The following NCKAP5 variants were observed in gnomAD, a reference collection of about 807,000 sequenced individuals.
NCKAP5 encodes NCK associated protein 5, also known as nck-associated protein 5.
NCKAP5 carries 92 observed loss-of-function variants against 167.0 expected under a neutral mutation model. That is an observed-to-expected ratio of 0.55 (90% CI 0.47 to 0.66). NCKAP5 has a LOEUF of 0.66. Ranked by LOEUF, NCKAP5 falls within the 30% of genes least tolerant of loss-of-function variation. NCKAP5 has a pLI of 0.00. For synonymous variants in NCKAP5, 891 were observed against 877.4 expected, an observed-to-expected ratio of 1.02 and a Z score of -0.27; for missense variants, 2,378 against 2,315.0, an observed-to-expected ratio of 1.03 and a Z score of -0.56.
chr2:133,585,745 A>C, the NCKAP5 span, among the ~76,000 whole-genome samples: 22 of 152,326 alleles, frequency 1.4e-4, no homozygotes, highest in African/African-American at 5.0e-4. Context: ...GCTCTTTTAC[A>C]AATGAGGAAA....
chr2:132,921,979 C>A (rs1288925396), intron 8 of NCKAP5, among the ~76,000 whole-genome samples: 1 of 152,080 alleles, frequency 6.6e-6, no homozygotes, highest in Admixed American at 6.5e-5. Flanking sequence ...GACTGCGAGC[C>A]CAAGATGTAG....
At chr2:132,814,132 T>A (rs756636376) in intron 11 of NCKAP5, among the ~76,000 whole-genome samples, 4 of 152,252 alleles carry the variant, frequency 2.6e-5, no homozygotes, top group Non-Finnish European at 5.9e-5. Flanking sequence ...ACTGTCTCAC[T>A]TCCCTTGATA....
At chr2:133,090,863 T>C (rs1456684204) in intron 6 of NCKAP5, among the ~76,000 whole-genome samples, 2 of 152,158 alleles carry the variant, frequency 1.3e-5, no homozygotes, top group Admixed American at 1.3e-4. Context: ...CACTCCACTG[T>C]CCTTCCCAGG....
the NCKAP5 span, among the ~76,000 whole-genome samples, chr2:133,601,860 G>A: frequency 6.6e-6 from 1 of 152,176 alleles, no homozygotes; most frequent in African/African-American, 2.4e-5. Context: ...GAAGGTGAGT[G>A]CAGTCATAGT....
rs1165568563 is a variant in NCKAP5 at position 133,330,053 on chromosome 2, CTTTTTTTTTT to C, written c.70-26953_70-26944del. 1.8e-4 allele frequency among the ~76,000 whole-genome samples: 15 copies of C among 85,706 alleles called. 1 individual carries two copies. The highest frequency in any genetic ancestry group is 9.5e-4 in the East Asian group (3 of 3,146). 56.2% of individuals were successfully genotyped at this position (85,706 alleles called of 152,430 possible). A position where few individuals can be genotyped will look rare whatever the true frequency, so the allele number is the denominator to read the frequency against. ...GGGAATGTGGCCAAGAAAGCAAGAC[CTTTTTTTTTT>C]TTTTTTTTTTTTTTTTTTTCTGAGA... On this transcript the variant is annotated intron_variant, in intron 3 of 19. Coordinates refer to ENST00000409261, the MANE Select transcript of NCKAP5 (RefSeq NM_207363.3).
intron 3 of NCKAP5, among the ~76,000 whole-genome samples, chr2:133,450,450 T>G (rs1362807790): frequency 1.3e-5 from 2 of 152,278 alleles, no homozygotes; most frequent in East Asian, 3.9e-4. Context: ...TAACATTACG[T>G]TTTTAAAAGC....
intron 5 of NCKAP5, among the ~76,000 whole-genome samples, chr2:133,138,639 T>G (rs1559181022): frequency 6.6e-6 from 1 of 152,230 alleles, no homozygotes; most frequent in Non-Finnish European, 1.5e-5. Context: ...ATATACTTAC[T>G]GTCTCCGGAC....
chr2:133,385,816 T>C (rs1281858056), intron 3 of NCKAP5, among the ~76,000 whole-genome samples: 2 of 152,198 alleles, frequency 1.3e-5, no homozygotes. Context: ...TTCTTCTAGA[T>C]TTTCTAGTTT....
At chr2:133,050,930 C>G (rs998422007) in intron 6 of NCKAP5, among the ~76,000 whole-genome samples, 6 of 152,102 alleles carry the variant, frequency 3.9e-5, no homozygotes, top group Non-Finnish European at 8.8e-5. Context: ...AGTATATGCG[C>G]GACTGAACGC....
chr2:132,800,782 TC>T, intron 11 of NCKAP5, among the ~76,000 whole-genome samples: 1 of 152,280 alleles, frequency 6.6e-6, no homozygotes, highest in African/African-American at 2.4e-5. Flanking sequence ...CTCATTTTGG[TC>T]CTTTATCCAA....
chr2:133,550,995 T>C (rs899138059), intron 2 of NCKAP5, among the ~76,000 whole-genome samples: 104 of 152,238 alleles, frequency 6.8e-4, no homozygotes, highest in Non-Finnish European at 1.1e-3. Flanking sequence ...CCATTCACAA[T>C]TGCTTCAAAG....
chr2:133,149,891 C>T (rs2083326427), intron 5 of NCKAP5, among the ~76,000 whole-genome samples: 1 of 152,110 alleles, frequency 6.6e-6, no homozygotes, highest in African/African-American at 2.4e-5. Flanking sequence ...AACATTCTTT[C>T]AAACCAATGA....
At position 133,382,160 on chromosome 2, in the gene NCKAP5, G is replaced by A. The variant is rs866962989; in HGVS notation, c.70-79050C>T. 2.7e-4 allele frequency among the ~76,000 whole-genome samples: 41 copies of A among 152,196 alleles called. 1 individual carries two copies. The highest frequency in any genetic ancestry group is 8.2e-4 in the African/African-American group (34 of 41,512). On this transcript the variant is annotated intron_variant, in intron 3 of 19. Transcript: ENST00000409261. ...AAGCTAAGAGTCATCCTTGTCTCCC[G>A]CCTCTTCCTCAATCTCAAATTCAAC... is the stretch of plus-strand genomic sequence containing the variant.
chr2:132,829,412 C>T (rs988495897), intron 11 of NCKAP5, among the ~76,000 whole-genome samples: 5 of 152,108 alleles, frequency 3.3e-5, no homozygotes, highest in African/African-American at 1.2e-4. Context: ...ATCTAGAACA[C>T]GGATTTGCAC....
At chr2:133,032,299 C>A (rs2078904457) in intron 6 of NCKAP5, among the ~76,000 whole-genome samples, 1 of 152,130 alleles carries the variant, frequency 6.6e-6, no homozygotes, top group Admixed American at 6.5e-5. Flanking sequence ...AACCTTGGGC[C>A]TTAAGGGAAC....
At chr2:133,303,159 C>T (rs781465655) in intron 3 of NCKAP5, 49 bp from the exon 4 acceptor site, 15 of 1,296,446 alleles carry the variant, frequency 1.2e-5, no homozygotes, top group Non-Finnish European at 1.6e-5. Context: ...ACAGTCCCCA[C>T]CATCCTAAGA....
chr2:133,188,960 C>T (rs1479145339), intron 5 of NCKAP5, among the ~76,000 whole-genome samples: 1 of 151,882 alleles, frequency 6.6e-6, no homozygotes, highest in Non-Finnish European at 1.5e-5. Context: ...GAGATAGAGA[C>T]ACAAAAAACT....
chr2:133,540,808 C>T (rs1686160278), intron 2 of NCKAP5, among the ~76,000 whole-genome samples: 1 of 151,498 alleles, frequency 6.6e-6, no homozygotes, highest in Admixed American at 6.6e-5. Context: ...TGGTGGCATG[C>T]ACCTGTAATT....
At chr2:133,602,981 A>C in the NCKAP5 span, among the ~76,000 whole-genome samples, 1 of 152,176 alleles carries the variant, frequency 6.6e-6, no homozygotes, top group Non-Finnish European at 1.5e-5. Context: ...CAGGGGTGTA[A>C]GCTATGGAAG....
Sources: allele counts gnomAD v4.1 joint callset (sites outside exome capture counted in the v4.1 genomes callset), GRCh38; gene constraint gnomAD v4.1.1; transcripts MANE v1.5; gene names NCBI Gene and HGNC (gene_info 2026-07-23, HGNC 2026-07-21).